Variants in ZNF138 observed in about 807,000 individuals in gnomAD.
ZNF138 encodes the protein zinc finger protein 138.
In ZNF138, 33 loss-of-function variants were observed where a neutral mutation model predicts 33.0. That is an observed-to-expected ratio of 1.00 (90% CI 0.76 to 1.34). The LOEUF (loss-of-function observed/expected upper bound fraction) is 1.34, where lower values mean the gene tolerates loss of function less well. ZNF138 is among the 40% of genes most tolerant of loss of function. The probability of loss-of-function intolerance (pLI) is 0.00; values close to 1 mark genes in which losing one functional copy is unlikely to be tolerated. For synonymous variants in ZNF138, 139 were observed against 120.4 expected (o/e 1.15, Z -1.01); for missense variants, 360 against 370.8 (o/e 0.97, Z 0.24).
chr7:64,808,282 C>G (rs561922483), intron 1 of ZNF138, among the ~76,000 whole-genome samples: 1 of 152,256 alleles, frequency 6.6e-6, no homozygotes, highest in African/African-American at 2.4e-5. Context: ...TCTTCAGTTT[C>G]CTGGTACTTG....
At chr7:64,812,888 C>T (rs1303548979) in intron 1 of ZNF138, among the ~76,000 whole-genome samples, 2 of 135,896 alleles carry the variant, frequency 1.5e-5, no homozygotes, top group Non-Finnish European at 3.1e-5. Context: ...TGTCTCAAAT[C>T]GAGAACTGTG....
At chr7:64,839,611 G>C in the ZNF138 span, among the ~76,000 whole-genome samples, 1 of 151,884 alleles carries the variant, frequency 6.6e-6, no homozygotes, top group Non-Finnish European at 1.5e-5. Flanking sequence ...AAAAGGAGGG[G>C]TACTCACCCA....
At chr7:64,847,923 T>A in the ZNF138 span, among the ~76,000 whole-genome samples, 79 of 152,292 alleles carry the variant, frequency 5.2e-4, no homozygotes, top group African/African-American at 1.6e-3. Context: ...TGTTTTTTTT[T>A]AAATTGTATT....
chr7:64,823,672 G>C (rs770467080), intron 3 of ZNF138, among the ~76,000 whole-genome samples: 1 of 152,202 alleles, frequency 6.6e-6, no homozygotes, highest in Non-Finnish European at 1.5e-5. Context: ...GGGCGCAGCA[G>C]TTCACACCTA....
intron 3 of ZNF138, among the ~76,000 whole-genome samples, chr7:64,821,126 G>A (rs971034373): frequency 2.7e-5 from 4 of 150,288 alleles, no homozygotes; most frequent in African/African-American, 5.0e-5. Flanking sequence ...GTCTGGCTCC[G>A]TCGCCCAGGC....
chr7:64,831,516 G>A lies in ZNF138; in HGVS notation c.274G>A (p.Val92Met), dbSNP rs142487458. 5.4e-5 allele frequency: 87 copies of A among 1,608,370 alleles called. 1 individual carries two copies. The Middle Eastern group carries it at 1.0e-3, about 18-fold the overall frequency. ...GAACATAAAAGATTCTTTCCAAAAA[G>A]TGACACTGAGCAGATATGGAAAATA... ...EQNIKDSFQK[V>M]TLSRYGKYGH... Residue 92 changes from valine to methionine, a missense_variant, in exon 4 of 4, where the codon GTG (valine) becomes ATG (methionine). Physicochemically the swap from Val to Met is conservative, Grantham distance 21 (BLOSUM62 1). Coordinates refer to ENST00000307355, the MANE Select transcript of ZNF138 (RefSeq NM_001271639.2).
intron 1 of ZNF138, 78 bp from the exon 2 acceptor site, chr7:64,814,840 A>G: frequency 3.2e-6 from 5 of 1,573,684 alleles, no homozygotes; most frequent in Admixed American, 1.7e-5. Context: ...GTCTTATTTT[A>G]CCTTGAGTCA....
downstream of ZNF138, among the ~76,000 whole-genome samples, chr7:64,833,930 T>C (rs1458452294): frequency 6.6e-6 from 1 of 152,212 alleles, no homozygotes; most frequent in Non-Finnish European, 1.5e-5. Context: ...TTTACTGTGT[T>C]GGCCAGGCTC....
chr7:64,855,469 GCCTCTC>G, the ZNF138 span, among the ~76,000 whole-genome samples: 430 of 1,434 alleles, frequency 0.3, 187 homozygotes, highest in Non-Finnish European at 1. Context: ...ATGTAAGGGG[GCCTCTC>G]CCTCTCCCTC....
rs1198286468 is a variant in ZNF138 at position 64,832,150 on chromosome 7, G to A, written c.908G>A (p.Gly303Glu). The change falls in exon 4 of 4, where the codon GGA becomes GAA. Residue 303 changes from glycine (G) to glutamate (E), a missense_variant. Coordinates refer to ENST00000307355, the MANE Select transcript of ZNF138 (RefSeq NM_001271639.2). ...ACTAAACATCAGATAATTTATACTG[G>A]AGAGGAACCATACAAATGTGAGGAA... ...TLTKHQIIYT[G>E]EEPYKCEECG... 2 of 1,611,828 alleles carry A rather than the reference G, an allele frequency of 1.2e-6. No homozygotes were observed. Among genetic ancestry groups the A allele is most frequent in the East Asian group, 4.5e-5 (2 of 44,866 alleles).
chr7:64,809,633 C>G (rs528971535), intron 1 of ZNF138, among the ~76,000 whole-genome samples: 2,302 of 149,516 alleles, frequency 0.015, 56 homozygotes, highest in African/African-American at 0.053. Flanking sequence ...GGGTGGCTGC[C>G]GGGCGGAGAC....
Position 64,831,878 on chromosome 7 carries a change from A to G in ZNF138, c.636A>G (p.Lys212=). 1 of 1,613,908 alleles carries G rather than the reference A, an allele frequency of 6.2e-7. No individual in the cohort carries two copies. Among genetic ancestry groups the G allele is most frequent in the Non-Finnish European group, 8.5e-7 (1 of 1,179,918 alleles). ...KTFNWSTNLS[K]PKKIHTGEKP... is the part of the protein sequence containing the mutation. Reference sequence around the variant, plus strand: ...TTAACTGGTCCACAAACCTTTCTAAACCTAAGAAAATTCATACTGGAGAAA... The same window carrying G: ...TTAACTGGTCCACAAACCTTTCTAAGCCTAAGAAAATTCATACTGGAGAAA... The change falls in exon 4 of 4, where the codon AAA becomes AAG. Residue 212 remains lysine, a synonymous_variant. Coordinates refer to ENST00000307355, the MANE Select transcript of ZNF138 (RefSeq NM_001271639.2).
chr7:64,849,879 C>T, the ZNF138 span, among the ~76,000 whole-genome samples: 65 of 152,308 alleles, frequency 4.3e-4, no homozygotes, highest in African/African-American at 1.5e-3. Flanking sequence ...CTACCAGCCT[C>T]CCAGCTGCAA....
intron 3 of ZNF138, among the ~76,000 whole-genome samples, chr7:64,826,511 C>T (rs1001525893): frequency 3.3e-5 from 5 of 152,274 alleles, no homozygotes; most frequent in Admixed American, 3.3e-4. Flanking sequence ...AAACTCCTGA[C>T]CTCAGGTGAT....
Position 64,794,473 on chromosome 7 carries a change from G to A in ZNF138, c.-96G>A. The stretch of plus-strand genomic sequence containing the variant: ...GCAGGTCTGGCCTTCACTTTTCTGC[G>A]TCCTCTTACTCCTAGAGGCCCAGCC... On this transcript the variant is annotated 5_prime_UTR_variant, in exon 1 of 4. Transcript: ENST00000307355. 6.3e-7 allele frequency: 1 copy of A among 1,580,092 alleles called. No individual in the cohort carries two copies. The highest frequency in any genetic ancestry group is 1.1e-5 in the South Asian group (1 of 90,532).
the ZNF138 span, among the ~76,000 whole-genome samples, chr7:64,854,962 GATTT>G: frequency 6.6e-6 from 1 of 152,052 alleles, no homozygotes; most frequent in African/African-American, 2.4e-5. Flanking sequence ...TAAATTAAAG[GATTT>G]ATTTTTCAGC....
the ZNF138 span, among the ~76,000 whole-genome samples, chr7:64,844,405 TC>T: frequency 5.3e-4 from 9 of 17,142 alleles, no homozygotes; most frequent in South Asian, 0.12. Flanking sequence ...TCAATTTGAT[TC>T]ATTCTTCTTT....
At chr7:64,823,945 T>A (rs1789371952) in intron 3 of ZNF138, among the ~76,000 whole-genome samples, 2 of 152,058 alleles carry the variant, frequency 1.3e-5, no homozygotes, top group African/African-American at 2.4e-5. Context: ...CTCAAAAAAA[T>A]AAATAAATAA....
intron 3 of ZNF138, among the ~76,000 whole-genome samples, chr7:64,821,706 C>T (rs1026018987): frequency 6.6e-6 from 1 of 151,022 alleles, no homozygotes; most frequent in Non-Finnish European, 1.5e-5. Flanking sequence ...GCCACCACGC[C>T]TGGCTAATTT....
Sources: allele counts gnomAD v4.1 joint callset (sites outside exome capture counted in the v4.1 genomes callset), GRCh38; gene constraint gnomAD v4.1.1; transcripts MANE v1.5; gene names NCBI Gene and HGNC (gene_info 2026-07-23, HGNC 2026-07-21).